The following DPP10 variants were observed in gnomAD, a reference collection of about 807,000 sequenced individuals.
DPP10 encodes the protein dipeptidyl peptidase like 10.
DPP10 carries 33 observed loss-of-function variants against 120.9 expected under a neutral mutation model. The ratio of observed to expected loss-of-function variants is 0.27; its 90% confidence interval spans 0.21 to 0.37. DPP10 has a LOEUF of 0.37. DPP10 is among the 10% of genes least tolerant of loss of function. The probability of loss-of-function intolerance (pLI) is 1.00; values close to 1 mark genes in which losing one functional copy is unlikely to be tolerated. For missense variants in DPP10, 816 were observed against 942.8 expected (o/e 0.87, Z 1.76); for synonymous variants, 337 against 326.1 (o/e 1.03, Z -0.36).
chr2:115,763,539 A>G (rs1680354297), intron 12 of DPP10, among the ~76,000 whole-genome samples: 1 of 152,078 alleles, frequency 6.6e-6, no homozygotes, highest in Non-Finnish European at 1.5e-5. Flanking sequence ...TCTCATTTTT[A>G]TCTATCTATA....
At chr2:114,961,043 T>A in intron 1 of DPP10, among the ~76,000 whole-genome samples, 1 of 38,410 alleles carries the variant, frequency 2.6e-5, no homozygotes, top group African/African-American at 1.0e-4. Context: ...CTTTTTTTTT[T>A]TTTTTTTTTT....
chr2:115,073,025 C>T (rs1280563988), intron 1 of DPP10, among the ~76,000 whole-genome samples: 3 of 152,094 alleles, frequency 2.0e-5, no homozygotes, highest in Admixed American at 1.3e-4. Context: ...TCAGGTGATC[C>T]ACCCACTTCA....
chr2:115,242,014 A>T (rs1242524027), intron 1 of DPP10, among the ~76,000 whole-genome samples: 1 of 152,048 alleles, frequency 6.6e-6, no homozygotes, highest in Non-Finnish European at 1.5e-5. Context: ...TTTAAAAAAA[A>T]TTTCTATAGG....
chr2:115,555,863 T>C (rs1202971087), intron 5 of DPP10, among the ~76,000 whole-genome samples: 2 of 152,128 alleles, frequency 1.3e-5, no homozygotes, highest in Non-Finnish European at 2.9e-5. Context: ...TGTGTATGTT[T>C]CTTTTTGTCA....
intron 1 of DPP10, among the ~76,000 whole-genome samples, chr2:115,190,699 C>A (rs1467434081): frequency 6.6e-6 from 1 of 152,130 alleles, no homozygotes; most frequent in African/African-American, 2.4e-5. Flanking sequence ...TCGCCCCAGG[C>A]TGTGGGGTTT....
intron 5 of DPP10, among the ~76,000 whole-genome samples, chr2:115,655,564 T>C (rs1343828056): frequency 1.3e-5 from 2 of 151,598 alleles, no homozygotes; most frequent in African/African-American, 2.4e-5. Context: ...TACTCAATAT[T>C]AGCTCTATTA....
At chr2:115,470,114 A>T (rs992949594) in intron 3 of DPP10, among the ~76,000 whole-genome samples, 1 of 152,170 alleles carries the variant, frequency 6.6e-6, no homozygotes, top group African/African-American at 2.4e-5. Flanking sequence ...GTTACAACAA[A>T]CAATCAAAAT....
At chr2:115,782,237 A>G (rs1222951604) in intron 16 of DPP10, 115 bp from the exon 17 acceptor site, 16 of 796,922 alleles carry the variant, frequency 2.0e-5, no homozygotes, top group Non-Finnish European at 3.0e-5. Context: ...CTGTTTTGTT[A>G]TGTTTTAACC....
chr2:114,451,401 A>C (rs920501625), intron 1 of DPP10, among the ~76,000 whole-genome samples: 2 of 152,098 alleles, frequency 1.3e-5, no homozygotes, highest in Non-Finnish European at 2.9e-5. Flanking sequence ...GATATAAATT[A>C]ATATGATTAC....
chr2:114,694,513 AT>A (rs1328363246), intron 1 of DPP10, among the ~76,000 whole-genome samples: 1 of 151,998 alleles, frequency 6.6e-6, no homozygotes, highest in Non-Finnish European at 1.5e-5. Flanking sequence ...AAATGGAGAA[AT>A]TTGCAAATTA....
rs554155217 is a variant in DPP10, at chr2:115,778,681, T to C, written c.1361+847T>C. Among the ~76,000 whole-genome samples the C allele has an allele frequency of 2.0e-5, 3 of 152,254 alleles. No homozygotes were observed. The South Asian group carries it at 6.2e-4, about 32-fold the overall frequency. On this transcript the variant is annotated intron_variant, in intron 15 of 25. Transcript: ENST00000410059. ...ACCACTAATTCTTACCGAGTAGTAC[T>C]GACTTTCCTTTGAGAGTAAAAATGC...
At chr2:115,325,586 T>C (rs138752362) in intron 2 of DPP10, among the ~76,000 whole-genome samples, 1 of 152,276 alleles carries the variant, frequency 6.6e-6, no homozygotes, top group African/African-American at 2.4e-5. Flanking sequence ...TTGAATTGCA[T>C]ATATCACCAT....
chr2:114,698,975 G>C (rs1700226222), intron 1 of DPP10, among the ~76,000 whole-genome samples: 1 of 152,024 alleles, frequency 6.6e-6, no homozygotes, highest in Admixed American at 6.6e-5. Context: ...AATATTCCCA[G>C]TTATTACTTC....
At chr2:115,679,475 C>T (rs1335093718) in intron 5 of DPP10, among the ~76,000 whole-genome samples, 1 of 152,106 alleles carries the variant, frequency 6.6e-6, no homozygotes, top group African/African-American at 2.4e-5. Flanking sequence ...TGTAAGTTTC[C>T]TGAGGCCTTC....
At chr2:115,063,349 CTG>C (rs2105405119) in intron 1 of DPP10, among the ~76,000 whole-genome samples, 1 of 152,280 alleles carries the variant, frequency 6.6e-6, no homozygotes, top group Non-Finnish European at 1.5e-5. Context: ...TCTGTTCAGA[CTG>C]ATGATAGTTT....
At chr2:115,287,603 G>A (rs924925370) in intron 1 of DPP10, among the ~76,000 whole-genome samples, 1 of 152,082 alleles carries the variant, frequency 6.6e-6, no homozygotes, top group African/African-American at 2.4e-5. Context: ...TTCTACTCAA[G>A]TTGCGGCAAA....
chr2:114,752,396 A>T (rs967460714), intron 1 of DPP10, among the ~76,000 whole-genome samples: 3 of 152,256 alleles, frequency 2.0e-5, no homozygotes, highest in Non-Finnish European at 4.4e-5. Context: ...AGAAGAAAAA[A>T]TGAAACAAAG....
intron 1 of DPP10, among the ~76,000 whole-genome samples, chr2:115,288,566 T>C (rs2060501165): frequency 6.6e-6 from 1 of 151,428 alleles, no homozygotes; most frequent in South Asian, 2.1e-4. Flanking sequence ...TAAAAAAATA[T>C]AAAAATTAGC....
At position 115,201,294 on chromosome 2, in the gene DPP10, C is replaced by T. The variant is rs376597041; in HGVS notation, c.61-107945C>T. On this transcript the variant is annotated intron_variant, in intron 1 of 25. Transcript: ENST00000410059. Reference sequence around the variant, plus strand: ...CCTGGACAACATGGTGAAACCCCATCTGTACTAAAAATACAAAAATTAGCC... The same window carrying T: ...CCTGGACAACATGGTGAAACCCCATTTGTACTAAAAATACAAAAATTAGCC... Among the ~76,000 whole-genome samples, 18 of 152,150 alleles carry T rather than the reference C, an allele frequency of 1.2e-4. No individual in the cohort carries two copies. The East Asian group carries it at 3.5e-3, about 30-fold the overall frequency.
Sources: allele counts gnomAD v4.1 joint callset (sites outside exome capture counted in the v4.1 genomes callset), GRCh38; gene constraint gnomAD v4.1.1; transcripts MANE v1.5; gene names NCBI Gene and HGNC (gene_info 2026-07-23, HGNC 2026-07-21).